Variants in TCF7L1 observed in about 807,000 individuals in gnomAD.
The protein encoded by TCF7L1 is transcription factor 7-like 1.
A neutral mutation model predicts 63.7 loss-of-function variants in TCF7L1; 18 were observed. That is an observed-to-expected ratio of 0.28 (90% CI 0.20 to 0.42). The LOEUF (loss-of-function observed/expected upper bound fraction) is 0.42. Among genes scored for constraint, TCF7L1 ranks in the 10% least tolerant of loss-of-function variants. The probability of loss-of-function intolerance (pLI) is 1.00; values close to 1 mark genes in which losing one functional copy is unlikely to be tolerated. For missense variants in TCF7L1, 654 were observed against 779.3 expected (o/e 0.84, Z 1.91); for synonymous variants, 355 against 340.9 (o/e 1.04, Z -0.46).
intron 3 of TCF7L1, among the ~76,000 whole-genome samples, chr2:85,248,275 G>A (rs924430018): frequency 6.6e-5 from 10 of 152,112 alleles, no homozygotes; most frequent in East Asian, 3.8e-4. Context: ...TGGGACTGGC[G>A]TTTCTTCAAC....
chr2:85,270,920 C>T (rs1220982024), intron 3 of TCF7L1, among the ~76,000 whole-genome samples: 1 of 152,020 alleles, frequency 6.6e-6, no homozygotes, highest in Non-Finnish European at 1.5e-5. Context: ...TGGTCTTGAA[C>T]TCCTGGGCTC....
chr2:85,202,259 C>T (rs536029877), intron 3 of TCF7L1, among the ~76,000 whole-genome samples: 83 of 152,156 alleles, frequency 5.5e-4, no homozygotes, highest in South Asian at 3.9e-3. Flanking sequence ...CCACCATGCC[C>T]GGGCTCTTTT....
intron 3 of TCF7L1, among the ~76,000 whole-genome samples, chr2:85,206,986 G>T (rs1235433983): frequency 6.6e-6 from 1 of 152,154 alleles, no homozygotes; most frequent in African/African-American, 2.4e-5. Flanking sequence ...AGGCGCGTGC[G>T]TGGTATTCTG....
chr2:85,304,739 T>C (rs1258482410), intron 7 of TCF7L1, among the ~76,000 whole-genome samples: 1 of 152,180 alleles, frequency 6.6e-6, no homozygotes, highest in Non-Finnish European at 1.5e-5. Flanking sequence ...CCCATCTAGG[T>C]CAAGGAGAGT....
intron 3 of TCF7L1, among the ~76,000 whole-genome samples, chr2:85,243,987 C>T (rs906369921): frequency 2.0e-5 from 3 of 152,190 alleles, no homozygotes; most frequent in African/African-American, 7.2e-5. Flanking sequence ...CAGGGTAAAG[C>T]CTTCAGTTTG....
chr2:85,281,679 A>G (rs1369873932), intron 3 of TCF7L1, among the ~76,000 whole-genome samples: 1 of 152,112 alleles, frequency 6.6e-6, no homozygotes, highest in Non-Finnish European at 1.5e-5. Context: ...AAGTGAAAAG[A>G]CTGTCCTAAT....
intron 3 of TCF7L1, among the ~76,000 whole-genome samples, chr2:85,180,670 TAAC>T (rs1399258120): frequency 6.6e-6 from 1 of 152,116 alleles, no homozygotes. Flanking sequence ...ATTGAGGAAA[TAAC>T]AACCACGATA....
chr2:85,214,316 A>C (rs1043265081), intron 3 of TCF7L1, among the ~76,000 whole-genome samples: 1 of 152,192 alleles, frequency 6.6e-6, no homozygotes, highest in Admixed American at 6.5e-5. Flanking sequence ...CTGCCCCTTG[A>C]GGGCAGGGGC....
intron 3 of TCF7L1, among the ~76,000 whole-genome samples, chr2:85,212,882 G>A (rs1679606664): frequency 6.6e-6 from 1 of 152,146 alleles, no homozygotes; most frequent in Non-Finnish European, 1.5e-5. Flanking sequence ...CATGGGGAGG[G>A]TCAGAGGACC....
chr2:85,303,780 C>A, intron 5 of TCF7L1, 115 bp from the exon 6 acceptor site: 1 of 737,684 alleles, frequency 1.4e-6, no homozygotes, highest in Non-Finnish European at 2.3e-6. Flanking sequence ...ATGACACAAG[C>A]ACCTGCTAGG....
At chr2:85,266,509 G>T (rs1252443447) in intron 3 of TCF7L1, among the ~76,000 whole-genome samples, 1 of 152,192 alleles carries the variant, frequency 6.6e-6, no homozygotes, top group Admixed American at 6.5e-5. Context: ...ACGGCTTGAT[G>T]CCCAGCCCAG....
At chr2:85,222,633 G>A (rs1679871652) in intron 3 of TCF7L1, among the ~76,000 whole-genome samples, 1 of 132,036 alleles carries the variant, frequency 7.6e-6, no homozygotes, top group Non-Finnish European at 1.5e-5. Context: ...TTGCACTGCT[G>A]CACTCCAGCC....
At chr2:85,247,685 C>T (rs190639147) in intron 3 of TCF7L1, among the ~76,000 whole-genome samples, 12 of 152,246 alleles carry the variant, frequency 7.9e-5, no homozygotes, top group South Asian at 4.1e-4. Flanking sequence ...TAAGGTTGCG[C>T]GGGTGTCCTA....
At position 85,161,075 on chromosome 2, in the gene TCF7L1, A is replaced by T. The variant is rs577510363; in HGVS notation, c.441+26625A>T. On this transcript the variant is annotated intron_variant, in intron 3 of 11. Coordinates refer to ENST00000282111, the MANE Select transcript of TCF7L1 (RefSeq NM_031283.3). ...TACACCAGCATCCGTAGAGCTAAGG[A>T]TTTACCGTATGCCTTGTCCTCAGAA... Among the ~76,000 whole-genome samples, 4 of 152,212 alleles carry T rather than the reference A, an allele frequency of 2.6e-5. No individual in the cohort carries two copies. In the South Asian group the frequency reaches 8.3e-4, roughly 32 times the overall value.
chr2:85,249,417 G>C (rs1293498950), intron 3 of TCF7L1, among the ~76,000 whole-genome samples: 2 of 152,226 alleles, frequency 1.3e-5, no homozygotes, highest in African/African-American at 4.8e-5. Context: ...TTGTTCAGCT[G>C]TGAGAATCTG....
At chr2:85,238,232 C>T (rs951552881) in intron 3 of TCF7L1, among the ~76,000 whole-genome samples, 1 of 152,286 alleles carries the variant, frequency 6.6e-6, no homozygotes, top group South Asian at 2.1e-4. Flanking sequence ...CTCCAGGCTT[C>T]GGCACTTTGT....
intron 5 of TCF7L1, chr2:85,303,612 C>T (rs760978870): frequency 2.3e-4 from 75 of 330,696 alleles, no homozygotes; most frequent in Non-Finnish European, 3.6e-4. Context: ...TCCCTCTCTT[C>T]CAGGACGCTG....
At chr2:85,292,748 T>C (rs1681755113) in intron 4 of TCF7L1, among the ~76,000 whole-genome samples, 2 of 152,334 alleles carry the variant, frequency 1.3e-5, no homozygotes, top group South Asian at 4.1e-4. Context: ...AGCTAATTTT[T>C]TGTATTTCTT....
intron 4 of TCF7L1, among the ~76,000 whole-genome samples, chr2:85,291,232 A>G (rs1037032849): frequency 6.6e-6 from 1 of 152,102 alleles, no homozygotes; most frequent in Non-Finnish European, 1.5e-5. Context: ...AATTTTCTAA[A>G]TTTTCAAGTT....
Sources: gnomAD v4.1 joint callset for allele counts (sites outside exome capture counted in the v4.1 genomes callset) on GRCh38, gnomAD v4.1.1 for gene constraint, MANE v1.5 for transcripts, NCBI Gene and HGNC (gene_info 2026-07-23, HGNC 2026-07-21) for gene names.